NHS: variants seen among roughly 807,000 people sequenced by gnomAD.
NHS encodes NHS actin remodeling regulator, also known as actin remodeling regulator NHS.
NHS carries 5 observed loss-of-function variants against 72.5 expected under a neutral mutation model. That is an observed-to-expected ratio of 0.07 (90% confidence interval 0.04 to 0.14). The LOEUF is 0.14. Ranked by LOEUF, NHS falls within the 10% of genes least tolerant of loss-of-function variation. The pLI is 1.00. For missense variants in NHS, 1,072 were observed against 1,355.7 expected, an observed-to-expected ratio of 0.79 and a Z score of 3.29; for synonymous variants, 464 against 547.7, an observed-to-expected ratio of 0.85 and a Z score of 2.13.
rs185144710 is a variant in NHS at position 17,563,630 on chromosome X, T to C, written c.566-124112T>C. Among the ~76,000 whole-genome samples the C allele has an allele frequency of 4.3e-4, 48 of 112,313 alleles. No individual in the cohort carries two copies. In the Middle Eastern group the frequency reaches 0.014, roughly 32 times the overall value. ...ATCCCATTCAGATTTGGAAAGGTTT[T>C]TTCAGGAACTTTATATTTTAACCAC... On this transcript the variant is annotated intron_variant, in intron 1 of 8. Coordinates refer to ENST00000676302, the MANE Select transcript of NHS (RefSeq NM_001291867.2).
Position 17,445,756 on chromosome X carries a change from A to AG in NHS, c.565+69444dup, listed in dbSNP as rs1179315594. ...ACTTACTCACTGCTAAAAAAAAAAA[A>AG]GGGGGGGGGGACTCTGTATATTTTT... On this transcript the variant is annotated intron_variant, in intron 1 of 8. Transcript: ENST00000676302. Among the ~76,000 whole-genome samples, 745 of 83,578 alleles carry AG rather than the reference A, an allele frequency of 8.9e-3. 14 individuals carry two copies. The highest frequency in any genetic ancestry group is 0.028 in the African/African-American group (637 of 23,128). The allele number at this position is 83,578 out of a possible 115,157, so 72.6% of individuals were successfully genotyped here.
chrX:17,554,686 T>G (rs2065358006), intron 1 of NHS, among the ~76,000 whole-genome samples: 1 of 111,756 alleles, frequency 8.9e-6, no homozygotes, highest in Admixed American at 9.5e-5. Context: ...TAGGAGCCAT[T>G]GTTCACTGAC....
At chrX:17,615,817 A>C (rs1272818273) in intron 1 of NHS, among the ~76,000 whole-genome samples, 5 of 79,132 alleles carry the variant, frequency 6.3e-5, no homozygotes, top group African/African-American at 2.6e-4. Context: ...CATGCCTATC[A>C]CAGTTCATCT....
At chrX:17,696,122 C>T (rs2066228607) in intron 3 of NHS, among the ~76,000 whole-genome samples, 1 of 111,649 alleles carries the variant, frequency 9.0e-6, no homozygotes, top group East Asian at 2.8e-4. Context: ...TAATGCACCA[C>T]AGAAACTACA....
In NHS at chrX:17,376,134, C is replaced by A. The variant is rs765240262; in HGVS notation, c.377C>A (p.Ala126Glu). ...AAVLLMLDLC[A>E]VSNAALARVL... Reference sequence around the variant, plus strand: ...GTGCTGCTCATGCTGGACCTATGCGCGGTCAGCAACGCCGCTCTGGCCCGT... The same window carrying A: ...GTGCTGCTCATGCTGGACCTATGCGAGGTCAGCAACGCCGCTCTGGCCCGT... Residue 126 changes from alanine (A) to glutamate (E), a missense_variant, in exon 1 of 9, where the codon GCG becomes GAG. Transcript: ENST00000676302. 8.5e-7 allele frequency: 1 copy of A among 1,180,034 alleles called. No homozygotes were observed. Among genetic ancestry groups the A allele is most frequent in the Admixed American group, 2.3e-5 (1 of 43,785 alleles).
At chrX:17,412,990 C>T (rs2064569302) in intron 1 of NHS, among the ~76,000 whole-genome samples, 1 of 112,387 alleles carries the variant, frequency 8.9e-6, no homozygotes, top group Non-Finnish European at 1.9e-5. Context: ...GTCAATTTGG[C>T]TTGTGGGCTG....
At chrX:17,636,087 C>A (rs1235408569) in intron 1 of NHS, among the ~76,000 whole-genome samples, 1 of 112,096 alleles carries the variant, frequency 8.9e-6, no homozygotes, top group Non-Finnish European at 1.9e-5. Flanking sequence ...GCTTTCTTCT[C>A]CTCCAGCACT....
At position 17,728,166 on chromosome X, in the gene NHS, C is replaced by A. The variant is rs1349644262; in HGVS notation, c.4060C>A (p.Pro1354Thr). The A allele has an allele frequency of 8.3e-7, 1 of 1,211,535 alleles. No homozygotes were observed. The highest frequency in any genetic ancestry group is 1.8e-5 in the South Asian group (1 of 56,988). The change falls in exon 7 of 9, where the codon CCT (proline) becomes ACT (threonine). Residue 1354 changes from proline to threonine, a missense_variant. Physicochemically the swap from Pro to Thr is conservative, Grantham distance 38. Transcript: ENST00000676302. ...FVMSRHHDKV[P>T]GTISYESEIT... ...TATGAGCCGCCACCATGACAAAGTG[C>A]CTGGTACTATCAGCTATGAATCGGA...
At chrX:17,603,528 T>C (rs2065662973) in intron 1 of NHS, among the ~76,000 whole-genome samples, 1 of 111,833 alleles carries the variant, frequency 8.9e-6, no homozygotes, top group Non-Finnish European at 1.9e-5. Flanking sequence ...ACAAAAGGAA[T>C]TTGCTTTTTT....
At chrX:17,528,955 GT>G (rs2065185724) in intron 1 of NHS, among the ~76,000 whole-genome samples, 1 of 111,538 alleles carries the variant, frequency 9.0e-6, no homozygotes, top group African/African-American at 3.3e-5. Context: ...GTGTTGCCCT[GT>G]GTATATCTGG....
At chrX:17,603,114 G>A (rs1223708917) in intron 1 of NHS, among the ~76,000 whole-genome samples, 2 of 111,261 alleles carry the variant, frequency 1.8e-5, no homozygotes, top group African/African-American at 6.6e-5. Context: ...CCAAAGTGTT[G>A]GGATTACAGG....
At chrX:17,413,909 C>G (rs1359557537) in intron 1 of NHS, among the ~76,000 whole-genome samples, 1 of 112,274 alleles carries the variant, frequency 8.9e-6, no homozygotes, top group African/African-American at 3.2e-5. Flanking sequence ...GTAACCAGGT[C>G]CTGCCTTGTA....
intron 1 of NHS, among the ~76,000 whole-genome samples, chrX:17,574,703 C>T (rs2065500559): frequency 1.8e-5 from 2 of 111,640 alleles, no homozygotes; most frequent in Admixed American, 1.9e-4. Flanking sequence ...CCATGGGCTG[C>T]ACCCACTGTC....
chrX:17,714,798 T>C (rs2066355234), intron 3 of NHS, among the ~76,000 whole-genome samples: 1 of 112,129 alleles, frequency 8.9e-6, no homozygotes, highest in East Asian at 2.8e-4. Context: ...TCCCTAACCT[T>C]ATCCATCAGC....
At chrX:17,723,797 C>T (rs1374571843) in intron 5 of NHS, among the ~76,000 whole-genome samples, 3 of 78,086 alleles carry the variant, frequency 3.8e-5, no homozygotes, top group African/African-American at 1.6e-4. Context: ...ATGGGGAATG[C>T]AAGAAGGTTT....
intron 1 of NHS, among the ~76,000 whole-genome samples, chrX:17,544,394 A>G (rs1168577748): frequency 2.7e-5 from 3 of 112,475 alleles, no homozygotes; most frequent in Non-Finnish European, 3.8e-5. Context: ...AACATTTGAC[A>G]TTGATTTGTC....
chrX:17,488,437 T>G (rs1424988093), intron 1 of NHS, among the ~76,000 whole-genome samples: 1 of 110,802 alleles, frequency 9.0e-6, no homozygotes, highest in Non-Finnish European at 1.9e-5. Flanking sequence ...AGGCCTCCTG[T>G]GGGGTTACAG....
chrX:17,546,391 G>A (rs184112895), intron 1 of NHS, among the ~76,000 whole-genome samples: 13 of 112,326 alleles, frequency 1.2e-4, no homozygotes, highest in Non-Finnish European at 2.3e-4. Context: ...TATAGAAAAA[G>A]TGGGTTTGAA....
chrX:17,493,909 A>G (rs2065001492), intron 1 of NHS, among the ~76,000 whole-genome samples: 1 of 110,034 alleles, frequency 9.1e-6, no homozygotes, highest in African/African-American at 3.3e-5. Context: ...GGCAGGGCAA[A>G]GGAATGCACT....
Sources: allele counts gnomAD v4.1 joint callset (sites outside exome capture counted in the v4.1 genomes callset), GRCh38; gene constraint gnomAD v4.1.1; transcripts MANE v1.5; gene names NCBI Gene and HGNC (gene_info 2026-07-23, HGNC 2026-07-21).